Variants in ALG3 observed in about 807,000 individuals in gnomAD.
ALG3 encodes dol-P-Man:Man(5)GlcNAc(2)-PP-Dol alpha-1,3-mannosyltransferase.
ALG3 carries 39 observed loss-of-function variants against 50.5 expected under a neutral mutation model. The observed-to-expected ratio is 0.77, with a 90% CI of 0.60 to 1.01. The LOEUF is 1.01. ALG3 is among the 50% of genes least tolerant of loss of function. The pLI, the probability that ALG3 is intolerant of heterozygous loss-of-function variation, is 0.00. For missense variants in ALG3, 520 were observed against 554.8 expected (o/e 0.94, Z 0.63); for synonymous variants, 252 against 237.2 (o/e 1.06, Z -0.58).
rs1393748526 is a variant in ALG3 at position 184,245,741 on chromosome 3, G to T, written c.268C>A (p.Gln90Lys). The T allele has an allele frequency of 3.7e-6, 6 of 1,613,618 alleles. No individual in the cohort carries two copies. Among genetic ancestry groups the T allele is most frequent in the Non-Finnish European group, 5.1e-6 (6 of 1,179,642 alleles). ...AGTGGTCCGGTGTCACCCTGCAGTT[G>T]GGTATAGTCATAGGTACCATTGATG... ...GVINGTYDYT[Q>K]LQGDTGPLVY... Residue 90 changes from glutamine (Q) to lysine (K), a missense_variant, in exon 2 of 9, where the codon CAA becomes AAA. By Grantham distance (53) the Gln-to-Lys change is moderately conservative. Coordinates refer to ENST00000397676, the MANE Select transcript of ALG3 (RefSeq NM_005787.6).
At chr3:184,248,427 G>C (rs1450830047) in intron 1 of ALG3, among the ~76,000 whole-genome samples, 1 of 151,616 alleles carries the variant, frequency 6.6e-6, no homozygotes, top group Non-Finnish European at 1.5e-5. Flanking sequence ...GAGACCTGAG[G>C]TGTCCAAAGC....
intron 5 of ALG3, 139 bp from the exon 6 acceptor site, chr3:184,244,135 C>T (rs890121160): frequency 2.4e-5 from 21 of 859,836 alleles, no homozygotes; most frequent in Non-Finnish European, 3.4e-5. Context: ...GCAGGAAAAC[C>T]ACGTTCCCCA....
intron 6 of ALG3, 69 bp from the exon 7 acceptor site, chr3:184,243,699 G>A (rs1352567251): frequency 5.6e-5 from 90 of 1,599,032 alleles, no homozygotes; most frequent in Non-Finnish European, 7.5e-5. Context: ...CACCCCATGA[G>A]CTTAACTGAC....
chr3:184,243,297 G>A (rs1445129863), intron 7 of ALG3: 18 of 576,924 alleles, frequency 3.1e-5, no homozygotes, highest in Non-Finnish European at 5.2e-5. Context: ...TCTCTTGTGA[G>A]CTTTCAATAT....
intron 1 of ALG3, among the ~76,000 whole-genome samples, chr3:184,248,528 A>G (rs1433632193): frequency 5.3e-5 from 8 of 152,218 alleles, no homozygotes; most frequent in Non-Finnish European, 1.0e-4. Context: ...TCAGTGCAGA[A>G]GGCCAATCTC....
rs1718894213 is a variant in ALG3 at position 184,242,822 on chromosome 3, T to G, written c.1145A>C (p.His382Pro). ...TTGTCCCAGCTGGTACCTGAGCAGGTGTGTGAGCCAGCGTGCAGGCATGGC... is the reference window on the plus strand; with the variant it reads ...TTGTCCCAGCTGGTACCTGAGCAGGGGTGTGAGCCAGCGTGCAGGCATGGC... ...LWAMPARWLT[H>P]LLRLLVLGLI... The change falls in exon 8 of 9, where the codon CAC (histidine) becomes CCC (proline). Residue 382 changes from histidine to proline, a missense_variant. His to Pro is a moderately conservative substitution (Grantham distance 77). Transcript: ENST00000397676. The G allele has an allele frequency of 6.2e-7, 1 of 1,613,692 alleles. No homozygotes were observed. Among genetic ancestry groups the G allele is most frequent in the Non-Finnish European group, 8.5e-7 (1 of 1,179,874 alleles).
rs779480147 is a variant in ALG3, at chr3:184,243,904, T to C, written c.819A>G (p.Thr273=). The C allele has an allele frequency of 3.7e-6, 6 of 1,613,914 alleles. No homozygotes were observed. In the East Asian group the frequency reaches 8.9e-5, roughly 24 times the overall value. ...DLGRQFLFHW[T]VNWRFLPEAL... Reference sequence around the variant, plus strand: ...CCTCTGGGAGGAAGCGCCAGTTCACTGTCCAGTGGAACAGAAACTGGCGGC... The same window carrying C: ...CCTCTGGGAGGAAGCGCCAGTTCACCGTCCAGTGGAACAGAAACTGGCGGC... Residue 273 remains threonine (T), a synonymous_variant, in exon 6 of 9, where the codon ACA becomes ACG. Coordinates refer to ENST00000397676, the MANE Select transcript of ALG3 (RefSeq NM_005787.6).
At position 184,243,810 on chromosome 3, in the gene ALG3, C is replaced by T. The variant is rs1718973782; in HGVS notation, c.913G>A (p.Ala305Thr). ...TCTCACCTGTGCCACCTGCAGAGGG[C>T]AAACAGCAGGAGCAGGGTGAGGTGG... ...TAHLTLLLLFALCRWHRTGES... is the reference protein window; with the variant it reads ...TAHLTLLLLFTLCRWHRTGES... Residue 305 changes from alanine to threonine, a missense_variant, in exon 6 of 9, where the codon GCC (alanine) becomes ACC (threonine). Around this residue, in one of 3 missense-constraint regions of ALG3, gnomAD observed 224 missense variants for 272.8 expected, o/e 0.82. Transcript: ENST00000397676. The T allele has an allele frequency of 6.2e-7, 1 of 1,613,870 alleles. No individual in the cohort carries two copies. The highest frequency in any genetic ancestry group is 8.5e-7 in the Non-Finnish European group (1 of 1,179,834).
chr3:184,245,706 C>T lies in ALG3; in HGVS notation c.296+7G>A, dbSNP rs375026036. ...ACATCCTCCCTGAACTTCCTGTCCC[C>T]ACTCACACAAGTGGTCCGGTGTCAC... On this transcript the variant is annotated splice_region_variant and intron_variant, in intron 2 of 8. Coordinates refer to ENST00000397676, the MANE Select transcript of ALG3 (RefSeq NM_005787.6). The T allele has an allele frequency of 4.3e-6, 7 of 1,611,544 alleles. No homozygotes were observed. In the African/African-American group the frequency reaches 9.3e-5, roughly 22 times the overall value.
In ALG3 at chr3:184,245,714, C is replaced by A; in HGVS notation, c.295G>T (p.Val99Leu). The change falls in exon 2 of 9, where the codon GTG (valine) becomes TTG (leucine). Residue 99 changes from valine to leucine, a missense_variant and splice_region_variant. Coordinates refer to ENST00000397676, the MANE Select transcript of ALG3 (RefSeq NM_005787.6). The stretch of plus-strand genomic sequence containing the variant: ...CCTGAACTTCCTGTCCCCACTCACA[C>A]AAGTGGTCCGGTGTCACCCTGCAGT... ...TQLQGDTGPL[V>L]YPAGFVYIFM... 1 of 1,612,602 alleles carries A rather than the reference C, an allele frequency of 6.2e-7. No individual in the cohort carries two copies. The highest frequency in any genetic ancestry group is 8.5e-7 in the Non-Finnish European group (1 of 1,178,700).
intron 1 of ALG3, among the ~76,000 whole-genome samples, chr3:184,246,680 CTTT>C (rs34546476): frequency 3.0e-5 from 4 of 131,284 alleles, no homozygotes; most frequent in Non-Finnish European, 3.1e-5. Flanking sequence ...AGGCTGTCTT[CTTT>C]TTTTTTTTTT....
intron 7 of ALG3, 76 bp downstream of exon 7, chr3:184,243,478 G>T: frequency 6.9e-7 from 1 of 1,446,132 alleles, no homozygotes; most frequent in Non-Finnish European, 9.7e-7. Flanking sequence ...GTCACCAGCT[G>T]TCAAGGGATA....
At position 184,243,156 on chromosome 3, in the gene ALG3, AG is replaced by A; in HGVS notation, c.1010-200del. ...GGAGAGAGTAATACCTAGGGCCATAAGGTCTTGTGGGTTTGAACCCCTAACT... is the reference window on the plus strand; with the variant it reads ...GGAGAGAGTAATACCTAGGGCCATAAGTCTTGTGGGTTTGAACCCCTAACT... On this transcript the variant is annotated intron_variant, in intron 7 of 8. Transcript: ENST00000397676. 5 of 739,478 alleles carry A rather than the reference AG, an allele frequency of 6.8e-6. No individual in the cohort carries two copies. In the South Asian group the frequency reaches 7.7e-5, roughly 11 times the overall value. The allele number at this position is 739,478 out of a possible 1,614,324, so 45.8% of individuals were successfully genotyped here.
At chr3:184,244,322 T>C (rs965596161) in intron 5 of ALG3, 11 of 529,108 alleles carry the variant, frequency 2.1e-5, no homozygotes, top group African/African-American at 5.7e-5. Context: ...GGCAGGAGGA[T>C]TGCTTGAGCC....
upstream of ALG3, chr3:184,249,385 C>T (rs1560167775): frequency 7.2e-6 from 9 of 1,252,630 alleles, no homozygotes; most frequent in Non-Finnish European, 1.0e-5. Flanking sequence ...CACTAATTTT[C>T]AGATTTCCTG....
intron 6 of ALG3, 65 bp from the exon 7 acceptor site, chr3:184,243,695 A>G (rs1213967057): frequency 6.9e-6 from 11 of 1,601,482 alleles, no homozygotes; most frequent in Non-Finnish European, 7.7e-6. Flanking sequence ...GACTCACCCC[A>G]TGAGCTTAAC....
chr3:184,242,728 C>T (rs1346095692), intron 8 of ALG3, 52 bp from the exon 9 acceptor site: 2 of 1,582,320 alleles, frequency 1.3e-6, no homozygotes, highest in Non-Finnish European at 1.7e-6. Context: ...GGCCTGCAGA[C>T]CTGCAGCTCC....
chr3:184,245,044 G>C (rs766671567), intron 4 of ALG3, 154 bp downstream of exon 4: 1 of 1,037,274 alleles, frequency 9.6e-7, no homozygotes, highest in Non-Finnish European at 1.5e-6. Flanking sequence ...GGGGATGGCA[G>C]GGCAGAAACT....
intron 1 of ALG3, among the ~76,000 whole-genome samples, chr3:184,246,725 G>T: frequency 6.7e-6 from 1 of 149,650 alleles, no homozygotes. Flanking sequence ...CACCCAGACT[G>T]GAGTGCAGTG....
Sources: allele counts gnomAD v4.1 joint callset (sites outside exome capture counted in the v4.1 genomes callset), GRCh38; gene constraint gnomAD v4.1.1; regional missense constraint gnomAD v4.1.1; transcripts MANE v1.5; gene names NCBI Gene and HGNC (gene_info 2026-07-23, HGNC 2026-07-21).